AGBL4: variants seen among roughly 807,000 people sequenced by gnomAD.
The protein encoded by AGBL4 is AGBL carboxypeptidase 4, also known as cytosolic carboxypeptidase 6.
A neutral mutation model predicts 66.4 loss-of-function variants in AGBL4; 58 were observed. The observed-to-expected ratio is 0.87, with a 90% CI of 0.71 to 1.09. The LOEUF is 1.09. Among genes scored for constraint, AGBL4 ranks in the 50% least tolerant of loss-of-function variants. The probability of loss-of-function intolerance (pLI) is 0.00; values close to 1 mark genes in which losing one functional copy is unlikely to be tolerated. For synonymous variants in AGBL4, 234 were observed against 222.9 expected (o/e 1.05, Z -0.44); for missense variants, 579 against 631.0 (o/e 0.92, Z 0.88).
chr1:49,263,660 T>C (rs1015155382), intron 3 of AGBL4, among the ~76,000 whole-genome samples: 5 of 152,180 alleles, frequency 3.3e-5, no homozygotes, highest in African/African-American at 1.2e-4. Flanking sequence ...CAAGTATTGG[T>C]AATTATGAAA....
chr1:49,071,064 G>T (rs755719521), intron 4 of AGBL4, among the ~76,000 whole-genome samples: 1 of 151,908 alleles, frequency 6.6e-6, no homozygotes, highest in Non-Finnish European at 1.5e-5. Context: ...ACGGTAGTTT[G>T]TATTTCTGTG....
chr1:49,963,513 A>C (rs775714218), intron 1 of AGBL4, among the ~76,000 whole-genome samples: 10 of 152,180 alleles, frequency 6.6e-5, no homozygotes, highest in Non-Finnish European at 1.5e-4. Flanking sequence ...AAAACAACTT[A>C]AGATATTAAT....
At chr1:49,645,645 A>T (rs1231164805) in intron 3 of AGBL4, among the ~76,000 whole-genome samples, 1 of 151,246 alleles carries the variant, frequency 6.6e-6, no homozygotes, top group Non-Finnish European at 1.5e-5. Flanking sequence ...AATTTATAAA[A>T]TCTCTTTTTA....
intron 6 of AGBL4, among the ~76,000 whole-genome samples, chr1:48,704,468 C>T (rs1316971485): frequency 6.6e-6 from 1 of 152,166 alleles, no homozygotes; most frequent in Admixed American, 6.5e-5. Flanking sequence ...CTTAATAACA[C>T]TTAGCTTAAA....
At chr1:49,218,488 G>A (rs1378036150) in intron 4 of AGBL4, among the ~76,000 whole-genome samples, 14 of 152,108 alleles carry the variant, frequency 9.2e-5, no homozygotes, top group Non-Finnish European at 2.1e-4. Context: ...TCAGAGAAGT[G>A]AAGTAACTTA....
chr1:49,362,950 T>C (rs2148539216), intron 3 of AGBL4, among the ~76,000 whole-genome samples: 1 of 152,292 alleles, frequency 6.6e-6, no homozygotes, highest in South Asian at 2.1e-4. Flanking sequence ...GAATTTGAGG[T>C]GTCTGGGACT....
chr1:49,926,987 T>TA (rs1652841806), intron 1 of AGBL4, among the ~76,000 whole-genome samples: 1 of 152,174 alleles, frequency 6.6e-6, no homozygotes, highest in African/African-American at 2.4e-5. Context: ...CTGAAGAACA[T>TA]AGAGTTTGAT....
At chr1:49,715,117 GC>G (rs896573033) in intron 2 of AGBL4, among the ~76,000 whole-genome samples, 39 of 151,806 alleles carry the variant, frequency 2.6e-4, no homozygotes, top group African/African-American at 9.4e-4. Flanking sequence ...CCCTCCCCTA[GC>G]CCCCCAGCCC....
intron 2 of AGBL4, among the ~76,000 whole-genome samples, chr1:49,767,880 A>C (rs71647748): frequency 6.6e-6 from 1 of 152,078 alleles, no homozygotes; most frequent in Non-Finnish European, 1.5e-5. Context: ...GGAGCACACA[A>C]TCTCCAAAGA....
intron 2 of AGBL4, among the ~76,000 whole-genome samples, chr1:49,795,007 G>A (rs781110047): frequency 3.3e-5 from 5 of 151,866 alleles, no homozygotes; most frequent in Non-Finnish European, 7.4e-5. Flanking sequence ...CAAAATCTCT[G>A]CCCTTGAGGT....
chr1:49,311,668 CT>C (rs1370861785), intron 3 of AGBL4, among the ~76,000 whole-genome samples: 1 of 151,946 alleles, frequency 6.6e-6, no homozygotes, highest in African/African-American at 2.4e-5. Context: ...ATATGTAAAG[CT>C]GTTCAAGTTA....
chr1:48,669,768 G>C (rs558374539), intron 6 of AGBL4, among the ~76,000 whole-genome samples: 1 of 152,068 alleles, frequency 6.6e-6, no homozygotes, highest in Non-Finnish European at 1.5e-5. Flanking sequence ...GGTCAAGCAG[G>C]ACCAAAAGCC....
chr1:49,639,349 A>G (rs1645737045), intron 3 of AGBL4, among the ~76,000 whole-genome samples: 1 of 152,224 alleles, frequency 6.6e-6, no homozygotes, highest in South Asian at 2.1e-4. Context: ...TGTGTGTGGC[A>G]CTATTATACA....
chr1:49,736,290 T>C (rs964889429), intron 2 of AGBL4, among the ~76,000 whole-genome samples: 11 of 149,424 alleles, frequency 7.4e-5, no homozygotes, highest in Admixed American at 2.0e-4. Flanking sequence ...AAGAGAAGAG[T>C]GACTCGTCAT....
intron 6 of AGBL4, among the ~76,000 whole-genome samples, chr1:48,723,605 T>C (rs954386954): frequency 6.6e-6 from 1 of 152,222 alleles, no homozygotes. Context: ...TGAAATGGAT[T>C]CTGCTGAAAC....
intron 2 of AGBL4, among the ~76,000 whole-genome samples, chr1:49,785,572 T>A (rs1644432391): frequency 6.6e-6 from 1 of 152,006 alleles, no homozygotes; most frequent in Non-Finnish European, 1.5e-5. Context: ...ATTAATATCC[T>A]ATTTCAGGGT....
chr1:49,168,885 T>G (rs1405674750), intron 4 of AGBL4, among the ~76,000 whole-genome samples: 2 of 152,188 alleles, frequency 1.3e-5, no homozygotes, highest in Non-Finnish European at 1.5e-5. Context: ...ATGTCTCTGC[T>G]GCTGTCAGCA....
intron 1 of AGBL4, among the ~76,000 whole-genome samples, chr1:49,999,922 A>C (rs549383369): frequency 6.6e-6 from 1 of 152,232 alleles, no homozygotes; most frequent in East Asian, 1.9e-4. Context: ...AAAACCAACT[A>C]AGATGGATCA....
intron 4 of AGBL4, among the ~76,000 whole-genome samples, chr1:49,122,618 T>C (rs1242825497): frequency 1.3e-5 from 2 of 152,190 alleles, no homozygotes; most frequent in Non-Finnish European, 2.9e-5. Context: ...GTGTAAAAGC[T>C]CTGGAATCCA....
Sources: allele counts gnomAD v4.1 joint callset (sites outside exome capture counted in the v4.1 genomes callset), GRCh38; gene constraint gnomAD v4.1.1; transcripts MANE v1.5; gene names NCBI Gene and HGNC (gene_info 2026-07-23, HGNC 2026-07-21).